USP28: variants seen among roughly 807,000 people sequenced by gnomAD.
The protein encoded by USP28 is ubiquitin specific peptidase 28.
In USP28, 113 loss-of-function variants were observed where a neutral mutation model predicts 145.0. The ratio of observed to expected loss-of-function variants is 0.78; its 90% confidence interval spans 0.67 to 0.91. The LOEUF is 0.91. USP28 is among the 40% of genes least tolerant of loss of function. The probability of loss-of-function intolerance (pLI) is 0.00; values close to 1 mark genes in which losing one functional copy is unlikely to be tolerated. For missense variants in USP28, 1,201 were observed against 1,289.6 expected (o/e 0.93, Z 1.05); for synonymous variants, 447 against 450.9 (o/e 0.99, Z 0.11).
At chr11:113,835,352 T>C (rs1284348644) in intron 5 of USP28, 2 of 455,954 alleles carry the variant, frequency 4.4e-6, no homozygotes, top group South Asian at 1.5e-5. Context: ...GGCAAAACTT[T>C]GGAATTAGAA....
exon 9 of USP28, chr11:113,830,908 T>C: frequency 6.2e-7 from 1 of 1,614,108 alleles, no homozygotes; most frequent in East Asian, 2.2e-5. Flanking sequence ...ATAGAACAGC[T>C]GCACCATTGG....
chr11:113,815,302 A>T, exon 14 of USP28: 2 of 1,614,162 alleles, frequency 1.2e-6, no homozygotes, highest in Non-Finnish European at 1.7e-6. Flanking sequence ...AGAAGATGTC[A>T]GTGGTTTAGA....
chr11:113,828,818 T>C (rs1943665565), intron 10 of USP28: 1 of 438,444 alleles, frequency 2.3e-6, no homozygotes, highest in Non-Finnish European at 4.4e-6. Context: ...AATACTATAA[T>C]AGGGAAAATA....
chr11:113,812,204 G>T, intron 16 of USP28, 72 bp downstream of exon 16: 2 of 1,166,540 alleles, frequency 1.7e-6, no homozygotes, highest in East Asian at 2.4e-5. Context: ...TTAAAAAGCA[G>T]TACAAGACTG....
chr11:113,870,494 C>A (rs1283650200), intron 1 of USP28, among the ~76,000 whole-genome samples: 1 of 152,190 alleles, frequency 6.6e-6, no homozygotes, highest in African/African-American at 2.4e-5. Context: ...ATCGCTGCAC[C>A]CCAGTCTGGG....
intron 16 of USP28, among the ~76,000 whole-genome samples, chr11:113,810,034 CA>C (rs368686301): frequency 0.28 from 19,584 of 68,746 alleles, 506 homozygotes; most frequent in Middle Eastern, 0.37. Flanking sequence ...GACTCCATCT[CA>C]AAAAAAAAAA....
intron 1 of USP28, among the ~76,000 whole-genome samples, chr11:113,861,621 A>C (rs1947702742): frequency 6.6e-6 from 1 of 152,238 alleles, no homozygotes; most frequent in Admixed American, 6.5e-5. Flanking sequence ...AAAAGGGTAT[A>C]AAATGAAAAG....
exon 25 of USP28, chr11:113,798,129 G>C (rs1938281260): frequency 1.1e-5 from 1 of 94,162 alleles, no homozygotes; most frequent in African/African-American, 4.3e-5. Context: ...GGGCAAAAAA[G>C]AAGGCCGGGT....
At chr11:113,824,584 G>A (rs182121035) in intron 11 of USP28, among the ~76,000 whole-genome samples, 1,525 of 151,524 alleles carry the variant, frequency 0.01, 34 homozygotes, top group African/African-American at 0.036. Context: ...CTCCCAAAGT[G>A]CTGGGATTAC....
chr11:113,841,347 T>A (rs1464214314), intron 4 of USP28, among the ~76,000 whole-genome samples: 3 of 152,226 alleles, frequency 2.0e-5, no homozygotes, highest in Non-Finnish European at 4.4e-5. Flanking sequence ...TGCAGCAGCA[T>A]AACCCTCAAA....
At chr11:113,824,830 C>T (rs1339844073) in intron 11 of USP28, among the ~76,000 whole-genome samples, 1 of 150,652 alleles carries the variant, frequency 6.6e-6, no homozygotes, top group Non-Finnish European at 1.5e-5. Context: ...ACTTGGGAGG[C>T]TGAGGCAGGA....
Position 113,829,369 on chromosome 11 carries a change from A to T in USP28, c.911-24T>A, listed in dbSNP as rs557895752. On this transcript the variant is annotated intron_variant, in intron 9 of 24. Transcript: ENST00000003302. ...TCCTAGGCAAAGAGAGAGACTTTTT[A>T]AAAAAGACATCACTATGACTATCTA... The T allele has an allele frequency of 4.0e-5, 64 of 1,613,194 alleles. 1 individual carries two copies. The South Asian group carries it at 6.8e-4, about 17-fold the overall frequency.
intron 16 of USP28, among the ~76,000 whole-genome samples, chr11:113,810,360 G>A (rs1940777035): frequency 6.6e-6 from 1 of 152,120 alleles, no homozygotes; most frequent in African/African-American, 2.4e-5. Context: ...TTCTAACCCT[G>A]TGACCAAAAC....
rs147684062 is a variant in USP28 at position 113,833,696 on chromosome 11, T to C, written c.622-139A>G. 1.3e-5 allele frequency: 10 copies of C among 747,012 alleles called. No individual in the cohort carries two copies. The African/African-American group carries it at 1.8e-4, about 13-fold the overall frequency. The allele number at this position is 747,012 out of a possible 1,614,324, so 46.3% of individuals were successfully genotyped here. A position where few individuals can be genotyped will look rare whatever the true frequency, so the allele number is the denominator to read the frequency against. ...GGTCAAAGTCACAGGGCTATGTGTG[T>C]TACAGGGACTCTGGTAAGGACTGTA... On this transcript the variant is annotated intron_variant, in intron 6 of 24. Transcript: ENST00000003302.
intron 11 of USP28, 138 bp from the exon 12 acceptor site, chr11:113,823,838 C>T: frequency 3.3e-6 from 2 of 601,630 alleles, no homozygotes; most frequent in Non-Finnish European, 5.3e-6. Context: ...ACAGCATACT[C>T]AAGGTTAAAA....
chr11:113,861,819 T>C (rs1038114460), intron 1 of USP28, among the ~76,000 whole-genome samples: 7 of 152,226 alleles, frequency 4.6e-5, no homozygotes, highest in South Asian at 4.1e-4. Context: ...TTTGAATACA[T>C]GTTCCAACTA....
rs375480047 is a variant in USP28 at position 113,808,476 on chromosome 11, T to C, written c.2165-39A>G. The stretch of plus-strand genomic sequence containing the variant: ...GAACAAAGGTCTTAGCATCTAATGA[T>C]AAATAGTCTAGAACACTCAGATAAA... On this transcript the variant is annotated intron_variant, in intron 17 of 24. Transcript: ENST00000003302. 1.5e-5 allele frequency: 24 copies of C among 1,607,478 alleles called. No homozygotes were observed. The South Asian group carries it at 2.5e-4, about 17-fold the overall frequency.
At chr11:113,874,624 GT>G in intron 1 of USP28, 3 of 1,287,976 alleles carry the variant, frequency 2.3e-6, no homozygotes, top group Non-Finnish European at 1.0e-6. Context: ...AAAAAGTGCA[GT>G]ACTTGAGGGG....
rs2459971 is a variant in USP28, at chr11:113,799,330, A to T, written c.3144T>A (p.Thr1048=). 9,694 of 1,614,170 alleles carry T rather than the reference A, an allele frequency of 6.0e-3. 479 individuals carry two copies. The African/African-American group carries it at 0.11, about 19-fold the overall frequency. Reference sequence around the variant, plus strand: ...GGTCATAGGGAGAATTGGGTCGAATAGTTGGAGGCTCTTTCAAGACGATGA... The same window carrying T: ...GGTCATAGGGAGAATTGGGTCGAATTGTTGGAGGCTCTTTCAAGACGATGA... Residue 1048 remains threonine, a synonymous_variant, in exon 25 of 25, where the codon ACT becomes ACA. Transcript: ENST00000003302.
Sources: gnomAD v4.1 joint callset for allele counts (sites outside exome capture counted in the v4.1 genomes callset) on GRCh38, gnomAD v4.1.1 for gene constraint, MANE v1.5 for transcripts, NCBI Gene and HGNC (gene_info 2026-07-23, HGNC 2026-07-21) for gene names.